The following PGM2 variants were observed in gnomAD, a reference collection of about 807,000 sequenced individuals.
The protein encoded by PGM2 is phosphopentomutase.
Under a neutral mutation model 74.6 loss-of-function variants are expected in PGM2, and 57 were observed. The observed-to-expected ratio is 0.76, with a 90% CI of 0.62 to 0.95. The LOEUF (loss-of-function observed/expected upper bound fraction) is 0.95, where lower values mean the gene tolerates loss of function less well. PGM2 is among the 40% of genes least tolerant of loss of function. The pLI is 0.00. For synonymous variants in PGM2, 273 were observed against 260.7 expected (o/e 1.05, Z -0.46); for missense variants, 706 against 741.9 (o/e 0.95, Z 0.56).
Position 37,847,440 on chromosome 4 carries a change from T to C in PGM2, c.1282+145T>C, listed in dbSNP as rs1012314565. ...AATGTCGAACTGTCCTACTCCAAAA[T>C]TGACATCTCAGATGATTTACAGCCA... On this transcript the variant is annotated intron_variant, in intron 10 of 13. Transcript: ENST00000381967. 2.3e-4 allele frequency: 140 copies of C among 600,510 alleles called. 1 individual carries two copies. In the South Asian group the frequency reaches 2.4e-3, roughly 10 times the overall value. 37.2% of individuals were successfully genotyped at this position (600,510 alleles called of 1,614,324 possible). A position where few individuals can be genotyped will look rare whatever the true frequency, so the allele number is the denominator to read the frequency against.
chr4:37,834,709 G>A lies in PGM2; in HGVS notation c.341G>A (p.Gly114Glu), dbSNP rs769940823. 2.7e-6 allele frequency: 4 copies of A among 1,498,816 alleles called. No individual in the cohort carries two copies. The highest frequency in any genetic ancestry group is 2.3e-5 in the South Asian group (2 of 86,940). The allele number at this position is 1,498,816 out of a possible 1,614,324, so 92.8% of individuals were successfully genotyped here. ...GACGCCCGAGCTCATCCATCCAGTG[G>A]GGGTAGCAGCAGAAGGTATTTAAAC... ...SFDARAHPSS[G>E]GSSRRFARLA... The change falls in exon 3 of 14, where the codon GGG becomes GAG. Residue 114 changes from glycine (G) to glutamate (E), a missense_variant. Physicochemically the swap from Gly to Glu is moderately conservative, Grantham distance 98. Around this residue, in one of 3 missense-constraint regions of PGM2, gnomAD observed 332 missense variants for 334.9 expected, o/e 0.99. Transcript: ENST00000381967.
intron 11 of PGM2, among the ~76,000 whole-genome samples, chr4:37,849,436 G>A (rs1457963424): frequency 2.9e-5 from 4 of 140,346 alleles, no homozygotes; most frequent in African/African-American, 8.0e-5. Context: ...TTTTTGAGAC[G>A]GGGTCTTGCT....
rs1725891327 is a variant in PGM2, at chr4:37,846,970, C to G, written c.1047C>G (p.Ala349=). ...WRVFSGNELG[A]LLGWWLFTSW... ...TGTTTTCAGGCAATGAGTTGGGGGCCCTCCTGGGCTGGTGGCTTTTTACAT... is the reference window on the plus strand; with the variant it reads ...TGTTTTCAGGCAATGAGTTGGGGGCGCTCCTGGGCTGGTGGCTTTTTACAT... Residue 349 remains alanine, a synonymous_variant, in exon 9 of 14, where the codon GCC becomes GCG. Coordinates refer to ENST00000381967, the MANE Select transcript of PGM2 (RefSeq NM_018290.4). 6.2e-7 allele frequency: 1 copy of G among 1,613,566 alleles called. No homozygotes were observed. Among genetic ancestry groups the G allele is most frequent in the Non-Finnish European group, 8.5e-7 (1 of 1,179,808 alleles).
In PGM2 at chr4:37,835,973, T is replaced by C. The variant is rs189332325; in HGVS notation, c.356+1249T>C. Among the ~76,000 whole-genome samples, 5 of 152,362 alleles carry C rather than the reference T, an allele frequency of 3.3e-5. No individual in the cohort carries two copies. The East Asian group carries it at 9.6e-4, about 29-fold the overall frequency. ...GCTTGTCATTTACAGTTAGTGGATGTACAATCAGAACTAAATCGTGACCGT... is the reference window on the plus strand; with the variant it reads ...GCTTGTCATTTACAGTTAGTGGATGCACAATCAGAACTAAATCGTGACCGT... On this transcript the variant is annotated intron_variant, in intron 3 of 13. Coordinates refer to ENST00000381967, the MANE Select transcript of PGM2 (RefSeq NM_018290.4).
intron 4 of PGM2, among the ~76,000 whole-genome samples, chr4:37,838,825 T>A (rs1194451646): frequency 6.6e-6 from 1 of 151,964 alleles, no homozygotes; most frequent in Non-Finnish European, 1.5e-5. Context: ...CACTGAGGAG[T>A]CGTCCTCCCC....
intron 3 of PGM2, 145 bp from the exon 4 acceptor site, chr4:37,837,384 A>C: frequency 1.5e-6 from 1 of 674,926 alleles, no homozygotes; most frequent in Non-Finnish European, 2.7e-6. Flanking sequence ...GTCCCATGCC[A>C]GGGTAAAGAT....
chr4:37,833,310 C>A (rs1261920047), intron 2 of PGM2, among the ~76,000 whole-genome samples: 1 of 152,168 alleles, frequency 6.6e-6, no homozygotes, highest in Non-Finnish European at 1.5e-5. Context: ...AATCCGAGCA[C>A]TTTAGGAGGC....
intron 2 of PGM2, among the ~76,000 whole-genome samples, chr4:37,832,150 A>T (rs1010350628): frequency 6.6e-6 from 1 of 152,148 alleles, no homozygotes; most frequent in Non-Finnish European, 1.5e-5. Context: ...CCTTGGGATA[A>T]TTTTCTCCAT....
In PGM2 at chr4:37,859,967, G is replaced by A. The variant is rs965441058; in HGVS notation, c.1737-1543G>A. Among the ~76,000 whole-genome samples, 3 of 152,120 alleles carry A rather than the reference G, an allele frequency of 2.0e-5. No homozygotes were observed. The East Asian group carries it at 5.8e-4, about 29-fold the overall frequency. On this transcript the variant is annotated intron_variant, in intron 13 of 13. Transcript: ENST00000381967. ...TAATTTAACAAATGGAACAGTTATC[G>A]ATTAGGATGGAGAATAGTAACACAA...
rs1055354423 is a variant in PGM2 at position 37,834,407 on chromosome 4, A to C, written c.250-211A>C. Among the ~76,000 whole-genome samples the C allele has an allele frequency of 9.2e-5, 14 of 152,308 alleles. 1 individual carries two copies. The highest frequency in any genetic ancestry group is 8.3e-4 in the South Asian group (4 of 4,824). ...GATAACAGCTACTAAGTGATCAATG[A>C]CTAACACAGTGCCCAATACAAAAAC... On this transcript the variant is annotated intron_variant, in intron 2 of 13. Transcript: ENST00000381967.
In PGM2 at chr4:37,858,424, C is replaced by T. The variant is rs149230422; in HGVS notation, c.1736+2683C>T. 7.2e-3 allele frequency among the ~76,000 whole-genome samples: 1,095 copies of T among 151,910 alleles called. 14 individuals are homozygous for T. Among genetic ancestry groups the T allele is most frequent in the African/African-American group, 0.025 (1,030 of 41,446 alleles). ...GAATCTTAGCTCACTGCAACCTCTG[C>T]CTCCTGGGTTCAAGCGATTCTTGTG... On this transcript the variant is annotated intron_variant, in intron 13 of 13. Transcript: ENST00000381967.
At chr4:37,827,683 T>C (rs961214678) in intron 1 of PGM2, among the ~76,000 whole-genome samples, 4 of 152,082 alleles carry the variant, frequency 2.6e-5, no homozygotes, top group Non-Finnish European at 5.9e-5. Flanking sequence ...CCTTTATAGC[T>C]CTTACTACAA....
chr4:37,843,644 T>A (rs1725790499), intron 6 of PGM2, among the ~76,000 whole-genome samples: 1 of 151,616 alleles, frequency 6.6e-6, no homozygotes, highest in Non-Finnish European at 1.5e-5. Context: ...AGTTTCGCTC[T>A]TGTTGCCCAG....
chr4:37,831,005 G>C (rs991859980), intron 2 of PGM2, among the ~76,000 whole-genome samples: 1 of 151,876 alleles, frequency 6.6e-6, no homozygotes, highest in Non-Finnish European at 1.5e-5. Flanking sequence ...ACCAGCCTGA[G>C]CAACATGGTG....
intron 1 of PGM2, among the ~76,000 whole-genome samples, chr4:37,828,319 T>C (rs1405184079): frequency 1.3e-5 from 2 of 152,044 alleles, no homozygotes; most frequent in East Asian, 3.9e-4. Flanking sequence ...ATAGAAAAAT[T>C]GTATTTCTCT....
intron 13 of PGM2, among the ~76,000 whole-genome samples, chr4:37,857,646 C>T (rs1711575833): frequency 6.6e-6 from 1 of 152,094 alleles, no homozygotes; most frequent in Non-Finnish European, 1.5e-5. Context: ...TCTCAAATGT[C>T]AAGATGTTCA....
intron 3 of PGM2, among the ~76,000 whole-genome samples, chr4:37,836,862 G>GTGTGTGT (rs1725580087): frequency 6.6e-6 from 1 of 150,416 alleles, no homozygotes; most frequent in African/African-American, 2.4e-5. Context: ...TATGTGTATG[G>GTGTGTGT]GTGTGTGTGT....
rs374110487 is a variant in PGM2, at chr4:37,848,846, G to A, written c.1412+195G>A. 6.0e-4 allele frequency among the ~76,000 whole-genome samples: 91 copies of A among 152,174 alleles called. 1 individual carries two copies. The highest frequency in any genetic ancestry group is 2.1e-3 in the African/African-American group (89 of 41,512). ...GCACTTTGGGAGGCTGAGGCGGGTG[G>A]ATCACCTGAGGTCAGGAGTTCGAGA... is the stretch of plus-strand genomic sequence containing the variant. On this transcript the variant is annotated intron_variant, in intron 11 of 13. Coordinates refer to ENST00000381967, the MANE Select transcript of PGM2 (RefSeq NM_018290.4).
intron 7 of PGM2, among the ~76,000 whole-genome samples, chr4:37,845,266 C>T (rs1725840179): frequency 6.6e-6 from 1 of 152,268 alleles, no homozygotes; most frequent in Non-Finnish European, 1.5e-5. Context: ...GTTGGGGTAG[C>T]AGTGGCATTC....
Sources: gnomAD v4.1 joint callset for allele counts (sites outside exome capture counted in the v4.1 genomes callset) on GRCh38, gnomAD v4.1.1 for gene constraint, gnomAD v4.1.1 regional missense constraint, MANE v1.5 for transcripts, NCBI Gene and HGNC (gene_info 2026-07-23, HGNC 2026-07-21) for gene names.